Variants in STAB1 observed in about 807,000 individuals in gnomAD.
STAB1 encodes stabilin-1.
A neutral mutation model predicts 332.4 loss-of-function variants in STAB1; 250 were observed. The ratio of observed to expected loss-of-function variants is 0.75; its 90% confidence interval spans 0.68 to 0.84. The LOEUF (loss-of-function observed/expected upper bound fraction) is 0.84, where lower values mean the gene tolerates loss of function less well. STAB1 is among the 40% of genes least tolerant of loss of function. The pLI, the probability that STAB1 is intolerant of heterozygous loss-of-function variation, is 0.00. For synonymous variants in STAB1, 1,475 were observed against 1,390.4 expected (o/e 1.06, Z -1.35); for missense variants, 3,249 against 3,489.7 (o/e 0.93, Z 1.74).
intron 18 of STAB1, among the ~76,000 whole-genome samples, chr3:52,507,170 GAGT>G (rs1708936845): frequency 6.6e-6 from 1 of 152,172 alleles, no homozygotes; most frequent in African/African-American, 2.4e-5. Flanking sequence ...TCAGCCTCCC[GAGT>G]AGCTGGGATT....
chr3:52,523,230 G>A lies in STAB1; in HGVS notation c.7029G>A (p.Leu2343=). The A allele has an allele frequency of 6.2e-7, 1 of 1,613,220 alleles. No individual in the cohort carries two copies. Among genetic ancestry groups the A allele is most frequent in the Non-Finnish European group, 8.5e-7 (1 of 1,180,008 alleles). The change falls in exon 64 of 69, where the codon TTG becomes TTA. Residue 2343 remains leucine (L), a synonymous_variant. Transcript: ENST00000321725. The part of the protein sequence containing the change: ...ANFSTFYGML[L]GYANATQRGL... ...TCTTTCCACCGTGCCAGATGCTATT[G>A]GGCTATGCCAATGCCACCCAGCGGG...
At chr3:52,507,514 C>G (rs780779268) in intron 18 of STAB1, 99 bp from the exon 19 acceptor site, 68 of 1,318,490 alleles carry the variant, frequency 5.2e-5, no homozygotes, top group Non-Finnish European at 6.9e-5. Context: ...GTTGGCTCTT[C>G]TCATCCCTTA....
rs1231266028 is a variant in STAB1 at position 52,503,444 on chromosome 3, C to T, written c.795C>T (p.Gly265=). The change falls in exon 8 of 69, where the codon GGC becomes GGT. Residue 265 remains glycine, a synonymous_variant. Coordinates refer to ENST00000321725, the MANE Select transcript of STAB1 (RefSeq NM_015136.3). ...AQCHCPENYH[G]DGMVCLPKDP... is the part of the protein sequence containing the mutation. ...GTCACTGCCCTGAGAACTACCATGGCGATGGGATGGTGTGTCTGCCCAAGG... is the reference window on the plus strand; with the variant it reads ...GTCACTGCCCTGAGAACTACCATGGTGATGGGATGGTGTGTCTGCCCAAGG... 7.4e-6 allele frequency: 12 copies of T among 1,613,688 alleles called. 1 individual carries two copies. The highest frequency in any genetic ancestry group is 5.0e-5 in the Admixed American group (3 of 60,004).
chr3:52,518,054 G>C, intron 45 of STAB1, 51 bp downstream of exon 45: 1 of 1,559,634 alleles, frequency 6.4e-7, no homozygotes, highest in Non-Finnish European at 8.6e-7. Context: ...GTGCCCCATG[G>C]GCCTGACCCA....
intron 8 of STAB1, 78 bp from the exon 9 acceptor site, chr3:52,503,694 G>T: frequency 5.0e-6 from 8 of 1,594,122 alleles, no homozygotes; most frequent in Non-Finnish European, 6.0e-6. Context: ...GGGCTGAGCA[G>T]GGCTCTATGG....
At chr3:52,502,514 C>G in intron 5 of STAB1, 118 bp from the exon 6 acceptor site, 1 of 938,228 alleles carries the variant, frequency 1.1e-6, no homozygotes, top group South Asian at 1.5e-5. Flanking sequence ...CAGCTCTGTA[C>G]TCTTAAGGTT....
At chr3:52,517,715 A>T in intron 44 of STAB1, 91 bp downstream of exon 44, 2 of 1,555,162 alleles carry the variant, frequency 1.3e-6, no homozygotes, top group Non-Finnish European at 1.8e-6. Context: ...CAGGGTCCTA[A>T]GGGCCTCTGC....
rs772910569 is a variant in STAB1 at position 52,524,300 on chromosome 3, G to GACTC, written c.7661_7664dup (p.Leu2556ThrfsTer8). 3.7e-6 allele frequency: 6 copies of GACTC among 1,613,828 alleles called. No individual in the cohort carries two copies. The highest frequency in any genetic ancestry group is 1.3e-5 in the African/African-American group (1 of 74,962). On this transcript the variant is annotated frameshift_variant and splice_region_variant, in exon 69 of 69. Coordinates refer to ENST00000321725, the MANE Select transcript of STAB1 (RefSeq NM_015136.3). LOFTEE classifies it high-confidence loss of function. ...TCCACCACCAACCCTGCTCTTCTAG[G>GACTC]ACTCACTGCTGGAGGAGGACTTCCC...
chr3:52,509,265 G>T lies in STAB1; in HGVS notation c.2291G>T (p.Gly764Val). 2 of 1,613,414 alleles carry T rather than the reference G, an allele frequency of 1.2e-6. No homozygotes were observed. The highest frequency in any genetic ancestry group is 1.1e-5 in the South Asian group (1 of 91,082). The change falls in exon 22 of 69, where the codon GGC becomes GTC. Residue 764 changes from glycine (G) to valine (V), a missense_variant. Physicochemically the swap from Gly to Val is moderately radical, Grantham distance 109. Transcript: ENST00000321725. ...GACLCFPDYK[G>V]IACHICSNPN... ...TGCCTCTGCTTCCCAGACTACAAGG[G>T]CATCGCCTGCCACATCTGCTCGAAC...
intron 25 of STAB1, among the ~76,000 whole-genome samples, chr3:52,511,053 C>A (rs184173305): frequency 6.6e-6 from 1 of 152,354 alleles, no homozygotes; most frequent in East Asian, 1.9e-4. Context: ...GGCACCAGCA[C>A]GTGGGGCCTT....
At chr3:52,506,434 G>T (rs1470862364) in intron 17 of STAB1, among the ~76,000 whole-genome samples, 184 bp downstream of exon 17, 1 of 152,238 alleles carries the variant, frequency 6.6e-6, no homozygotes, top group Non-Finnish European at 1.5e-5. Flanking sequence ...AGAGTTAAGG[G>T]GGAGGACTCC....
chr3:52,516,466 A>G lies in STAB1; in HGVS notation c.4240+15A>G, dbSNP rs760290411. On this transcript the variant is annotated intron_variant, in intron 39 of 68. Coordinates refer to ENST00000321725, the MANE Select transcript of STAB1 (RefSeq NM_015136.3). ...CTGTGACCAGAGTGAGTGGGTCCCA[A>G]TGGGGAGGGGGCAGGTGGCTACTGA... 1.3e-5 allele frequency: 21 copies of G among 1,613,342 alleles called. No individual in the cohort carries two copies. The highest frequency in any genetic ancestry group is 1.6e-4 in the Middle Eastern group (1 of 6,080).
intron 20 of STAB1, 24 bp from the exon 21 acceptor site, chr3:52,508,249 T>G: frequency 1.3e-6 from 2 of 1,598,956 alleles, no homozygotes; most frequent in East Asian, 2.2e-5. Flanking sequence ...AGATGGCCTC[T>G]TGGACCTGTT....
At chr3:52,519,479 A>G (rs1575359435) in intron 49 of STAB1, 26 bp from the exon 50 acceptor site, 1 of 1,612,892 alleles carries the variant, frequency 6.2e-7, no homozygotes, top group African/African-American at 1.3e-5. Context: ...CGCCTGGCCT[A>G]GCTGTTTATG....
At position 52,522,336 on chromosome 3, in the gene STAB1, C is replaced by A. The variant is rs752035435; in HGVS notation, c.6472C>A (p.Arg2158=). ...ANCLSTGLNT[R]RCECHAGYVG... ...CTGCTCTCTCCAACCCCAGAACACA[C>A]GGCGCTGTGAGTGCCACGCAGGCTA... Residue 2158 remains arginine (R), a synonymous_variant, in exon 60 of 69, where the codon CGG becomes AGG. Transcript: ENST00000321725. The A allele has an allele frequency of 1.9e-6, 3 of 1,612,798 alleles. No individual in the cohort carries two copies. The highest frequency in any genetic ancestry group is 1.6e-4 in the Middle Eastern group (1 of 6,084).
At chr3:52,508,167 C>T (rs1022601423) in intron 20 of STAB1, 106 bp from the exon 21 acceptor site, 2 of 1,368,946 alleles carry the variant, frequency 1.5e-6, no homozygotes, top group Non-Finnish European at 2.0e-6. Context: ...CCCAGAGAAA[C>T]CTTATCCACT....
chr3:52,521,174 G>A (rs1160975974), intron 55 of STAB1, among the ~76,000 whole-genome samples, 169 bp downstream of exon 55: 3 of 152,212 alleles, frequency 2.0e-5, no homozygotes, highest in Non-Finnish European at 4.4e-5. Context: ...GCGGTAGTGT[G>A]GACGGTGCAG....
rs1271042405 is a variant in STAB1 at position 52,503,372 on chromosome 3, C to T, written c.723C>T (p.Cys241=). 1.9e-6 allele frequency: 3 copies of T among 1,613,110 alleles called. No individual in the cohort carries two copies. Among genetic ancestry groups the T allele is most frequent in the Non-Finnish European group, 2.5e-6 (3 of 1,179,868 alleles). Residue 241 remains cysteine (C), a synonymous_variant, in exon 8 of 69, where the codon TGC becomes TGT. Transcript: ENST00000321725. ...RAPNPCWPSP[C]SLLAQCSVSP... is the part of the protein sequence containing the mutation. ...CCAACCCCTGCTGGCCATCACCCTG[C>T]TCACTGCTGGCCCAGTGCTCGGTGA...
rs751146639 is a variant in STAB1 at position 52,513,225 on chromosome 3, T to C, written c.3254T>C (p.Ile1085Thr). The C allele has an allele frequency of 2.5e-6, 4 of 1,580,116 alleles. No homozygotes were observed. The highest frequency in any genetic ancestry group is 3.4e-6 in the Non-Finnish European group (4 of 1,163,860). Residue 1085 changes from isoleucine to threonine, a missense_variant, in exon 30 of 69, where the codon ATT becomes ACT. Ile to Thr is a moderately conservative substitution (Grantham distance 89). Transcript: ENST00000321725. ...CTGAACCCCACCACACGCTGGGAGA[T>C]TCGCAACATTAGTGGGGTATGTGGT... ...ATLNPTTRWE[I>T]RNISGRVWVQ...
Sources: allele counts gnomAD v4.1 joint callset (sites outside exome capture counted in the v4.1 genomes callset), GRCh38; gene constraint gnomAD v4.1.1; transcripts MANE v1.5; gene names NCBI Gene and HGNC (gene_info 2026-07-23, HGNC 2026-07-21).